CEP89: variants seen among roughly 807,000 people sequenced by gnomAD.
The protein encoded by CEP89 is centrosomal protein of 89 kDa.
Under a neutral mutation model 97.6 loss-of-function variants are expected in CEP89, and 95 were observed. The ratio of observed to expected loss-of-function variants is 0.97; its 90% confidence interval spans 0.82 to 1.15. The LOEUF is 1.15. CEP89 is among the 50% of genes most tolerant of loss of function. CEP89 has a pLI of 0.00. For missense variants in CEP89, 869 were observed against 947.7 expected, an observed-to-expected ratio of 0.92 and a Z score of 1.09; for synonymous variants, 354 against 349.1, an observed-to-expected ratio of 1.01 and a Z score of -0.16.
At chr19:32,920,865 T>C (rs1365967396) in intron 12 of CEP89, among the ~76,000 whole-genome samples, 1 of 151,714 alleles carries the variant, frequency 6.6e-6, no homozygotes, top group African/African-American at 2.4e-5. Flanking sequence ...GGAAAAGAAA[T>C]ATACAAAATT....
chr19:32,969,877 T>C (rs1971362440), intron 1 of CEP89: 1 of 152,254 alleles, frequency 6.6e-6, no homozygotes, highest in African/African-American at 2.4e-5. Flanking sequence ...GCCTGCTCCA[T>C]AGAGCAGAAG....
At position 32,927,401 on chromosome 19, in the gene CEP89, CAT is replaced by C. The variant is rs148686101; in HGVS notation, c.1030-419_1030-418del. The stretch of plus-strand genomic sequence containing the variant: ...TCAACACAGATAACAATACTATTTT[CAT>C]ATATATATATATATTACTGCTCCTT... On this transcript the variant is annotated intron_variant, in intron 9 of 18. Transcript: ENST00000305768. 3.4e-4 allele frequency among the ~76,000 whole-genome samples: 51 copies of C among 149,722 alleles called. No homozygotes were observed. In the South Asian group the frequency reaches 6.1e-3, roughly 18 times the overall value.
chr19:32,901,104 C>G lies in CEP89; in HGVS notation c.1733+141G>C. On this transcript the variant is annotated intron_variant, in intron 15 of 18. Transcript: ENST00000305768. ...GTTTTGCCATGTTGGCCAGGCTGGTCTTGAACTTCTGACCTCAAATGATCG... is the reference window on the plus strand; with the variant it reads ...GTTTTGCCATGTTGGCCAGGCTGGTGTTGAACTTCTGACCTCAAATGATCG... 3.9e-6 allele frequency: 3 copies of G among 769,542 alleles called. No homozygotes were observed. In the South Asian group the frequency reaches 5.5e-5, roughly 14 times the overall value. The allele number at this position is 769,542 out of a possible 1,614,324, so 47.7% of individuals were successfully genotyped here.
rs191108607 is a variant in CEP89 at position 32,929,828 on chromosome 19, T to C, written c.1029+1601A>G. On this transcript the variant is annotated intron_variant, in intron 9 of 18. Transcript: ENST00000305768. ...ATTTGTTTTTGTTTAAAAGTTAGTA[T>C]TATGTTAAGTGAAAGAAGTCAGTCA... Among the ~76,000 whole-genome samples the C allele has an allele frequency of 7.3e-4, 111 of 152,252 alleles. 1 individual carries two copies. Among genetic ancestry groups the C allele is most frequent in the Non-Finnish European group, 4.4e-4 (30 of 68,020 alleles).
At chr19:32,887,666 G>A (rs2145872337) in intron 17 of CEP89, 86 bp downstream of exon 17, 3 of 803,762 alleles carry the variant, frequency 3.7e-6, no homozygotes, top group South Asian at 1.5e-5. Context: ...TGCAAAAGGT[G>A]TCATTTTCTT....
rs546477344 is a variant in CEP89 at position 32,936,751 on chromosome 19, G to A, written c.667+880C>T. Among the ~76,000 whole-genome samples, 4 of 152,196 alleles carry A rather than the reference G, an allele frequency of 2.6e-5. No individual in the cohort carries two copies. In the East Asian group the frequency reaches 5.8e-4, roughly 22 times the overall value. Reference sequence around the variant, plus strand: ...CACTCCAGGGCCTCCTCTCTACTAGGAGCTGGTCAGAATAACCAGCTGCAG... The same window carrying A: ...CACTCCAGGGCCTCCTCTCTACTAGAAGCTGGTCAGAATAACCAGCTGCAG... On this transcript the variant is annotated intron_variant, in intron 7 of 18. Transcript: ENST00000305768. This position sits in a 1 kb window ranked among gnomAD's most constrained non-coding sequence, Gnocchi z 4.5.
intron 3 of CEP89, among the ~76,000 whole-genome samples, chr19:32,955,491 C>T (rs981663777): frequency 1.3e-5 from 2 of 152,004 alleles, no homozygotes; most frequent in African/African-American, 2.4e-5. Context: ...TAAAACAAAC[C>T]GCCATAGAGT....
intron 12 of CEP89, among the ~76,000 whole-genome samples, chr19:32,920,362 G>C (rs1391358508): frequency 1.3e-5 from 2 of 152,118 alleles, no homozygotes; most frequent in Non-Finnish European, 2.9e-5. Context: ...TTACAGGGGT[G>C]AACCACTAAG....
chr19:32,926,530 C>A (rs996075073), intron 10 of CEP89, among the ~76,000 whole-genome samples: 1 of 152,170 alleles, frequency 6.6e-6, no homozygotes, highest in African/African-American at 2.4e-5. Flanking sequence ...GAGGCATCTA[C>A]AACACCCGCA....
chr19:32,939,912 A>G, intron 5 of CEP89, 27 bp from the exon 6 acceptor site: 3 of 1,094,788 alleles, frequency 2.7e-6, no homozygotes, highest in Non-Finnish European at 4.1e-6. Flanking sequence ...GAGAGAGATA[A>G]ACTTTTAAAG....
At chr19:32,934,910 C>T (rs1191261455) in intron 7 of CEP89, among the ~76,000 whole-genome samples, 2 of 152,076 alleles carry the variant, frequency 1.3e-5, no homozygotes, top group African/African-American at 4.8e-5. Context: ...GCCAGGAGTT[C>T]GAGACCGGCC....
chr19:32,890,331 C>T (rs538868444), intron 16 of CEP89, among the ~76,000 whole-genome samples: 4 of 152,210 alleles, frequency 2.6e-5, no homozygotes, highest in South Asian at 2.1e-4. Context: ...ACCCAGGAGG[C>T]GGAGGTTGCA....
chr19:32,927,839 A>T (rs771951425), intron 9 of CEP89, among the ~76,000 whole-genome samples: 63 of 149,954 alleles, frequency 4.2e-4, no homozygotes, highest in Non-Finnish European at 6.8e-4. Flanking sequence ...TCCTGGCCTG[A>T]AGTGATCCTC....
intron 16 of CEP89, among the ~76,000 whole-genome samples, chr19:32,896,323 C>T (rs1443634906): frequency 1.3e-5 from 2 of 152,160 alleles, no homozygotes; most frequent in Non-Finnish European, 2.9e-5. Context: ...CACATATTTA[C>T]TGCCAACTGC....
chr19:32,952,132 T>C (rs1291275635), intron 4 of CEP89, among the ~76,000 whole-genome samples: 2 of 151,878 alleles, frequency 1.3e-5, no homozygotes, highest in Non-Finnish European at 2.9e-5. Flanking sequence ...TGATGGTGAG[T>C]TCATGAAACA....
chr19:32,942,174 G>A lies in CEP89; in HGVS notation c.596-2289C>T, dbSNP rs200628523. Among the ~76,000 whole-genome samples the A allele has an allele frequency of 3.3e-5, 5 of 152,278 alleles. No homozygotes were observed. The East Asian group carries it at 9.6e-4, about 29-fold the overall frequency. On this transcript the variant is annotated intron_variant, in intron 5 of 18. Transcript: ENST00000305768. ...AGGCAGGTAGATCGGTTGAGCCCGG[G>A]AGTTTGAGACCAGCCTGGGCAACAG...
At position 32,878,683 on chromosome 19, in the gene CEP89, A is replaced by C. The variant is rs79874975; in HGVS notation, c.*479T>G. ...CAGCACGTTATTAAAATAAAGCACA[A>C]TGGGCCAGGCGCAGTGGCTCACACG... is the stretch of plus-strand genomic sequence containing the variant. On this transcript the variant is annotated 3_prime_UTR_variant, in exon 19 of 19. Coordinates refer to ENST00000305768, the MANE Select transcript of CEP89 (RefSeq NM_032816.5). 1 of 152,888 alleles carries C rather than the reference A, an allele frequency of 6.5e-6. No individual in the cohort carries two copies. The allele number at this position is 152,888 out of a possible 1,614,324, so 9.5% of individuals were successfully genotyped here.
At chr19:32,890,280 G>A (rs1969485096) in intron 16 of CEP89, among the ~76,000 whole-genome samples, 1 of 152,062 alleles carries the variant, frequency 6.6e-6, no homozygotes. Context: ...TGCGCCTATA[G>A]TCCCAGCTAC....
intron 16 of CEP89, among the ~76,000 whole-genome samples, chr19:32,896,414 A>G (rs983714652): frequency 5.3e-5 from 8 of 152,186 alleles, no homozygotes; most frequent in Non-Finnish European, 1.2e-4. Flanking sequence ...TTGGATATCC[A>G]TATACAGAAA....
Sources: allele counts gnomAD v4.1 joint callset (sites outside exome capture counted in the v4.1 genomes callset), GRCh38; gene constraint gnomAD v4.1.1; non-coding constraint Gnocchi (gnomAD v3.1); transcripts MANE v1.5; gene names NCBI Gene and HGNC (gene_info 2026-07-23, HGNC 2026-07-21).